The following ANKS1B variants were observed in gnomAD, a reference collection of about 807,000 sequenced individuals.
ANKS1B encodes ankyrin repeat and sterile alpha motif domain-containing protein 1B.
Under a neutral mutation model 148.3 loss-of-function variants are expected in ANKS1B, and 36 were observed. The ratio of observed to expected loss-of-function variants is 0.24; its 90% CI spans 0.19 to 0.32. ANKS1B has a LOEUF of 0.32. Ranked by LOEUF, ANKS1B falls within the 10% of genes least tolerant of loss-of-function variation. ANKS1B has a pLI of 1.00. For missense variants in ANKS1B, 1,157 were observed against 1,542.6 expected (o/e 0.75, Z 4.19); for synonymous variants, 542 against 560.8 (o/e 0.97, Z 0.47).
intron 15 of ANKS1B, among the ~76,000 whole-genome samples, chr12:99,139,258 CCT>C (rs982969237): frequency 7.1e-6 from 1 of 140,942 alleles, no homozygotes; most frequent in African/African-American, 2.7e-5. Context: ...CTTTCTTCTT[CCT>C]CTCTTTCCTT....
At chr12:99,577,617 A>C (rs1272157393) in intron 9 of ANKS1B, among the ~76,000 whole-genome samples, 1 of 152,082 alleles carries the variant, frequency 6.6e-6, no homozygotes, top group East Asian at 1.9e-4. Context: ...CACAGAAACT[A>C]GAAGAAATGT....
At chr12:99,246,216 C>T in intron 13 of ANKS1B, 59 bp downstream of exon 13, 2 of 1,339,638 alleles carry the variant, frequency 1.5e-6, no homozygotes, top group Admixed American at 6.5e-5. Context: ...AATCCTTCCC[C>T]CAAACCTCCC....
chr12:99,158,082 G>GA (rs1269461325), intron 14 of ANKS1B, among the ~76,000 whole-genome samples: 4 of 151,412 alleles, frequency 2.6e-5, no homozygotes, highest in Non-Finnish European at 2.9e-5. Context: ...AGGGAAGAAG[G>GA]AAAAAAAAGA....
intron 19 of ANKS1B, among the ~76,000 whole-genome samples, chr12:98,810,170 T>C (rs2099083512): frequency 6.6e-6 from 1 of 152,244 alleles, no homozygotes; most frequent in Non-Finnish European, 1.5e-5. Flanking sequence ...GACAAGAGAT[T>C]GATTCAGTAA....
rs140505983 is a variant in ANKS1B at position 99,502,690 on chromosome 12, T to C, written c.1438+1786A>G. 2.8e-4 allele frequency among the ~76,000 whole-genome samples: 43 copies of C among 152,274 alleles called. No homozygotes were observed. The East Asian group carries it at 8.3e-3, about 29-fold the overall frequency. On this transcript the variant is annotated intron_variant, in intron 10 of 26. Coordinates refer to ENST00000683438, the MANE Select transcript of ANKS1B (RefSeq NM_001352186.2). ...CTTATCTCTAAAATGAGAATAATGATATTAATACCTCACAGCATTGTAAGA... is the reference window on the plus strand; with the variant it reads ...CTTATCTCTAAAATGAGAATAATGACATTAATACCTCACAGCATTGTAAGA...
At chr12:99,193,604 T>C (rs1044224360) in intron 14 of ANKS1B, among the ~76,000 whole-genome samples, 4 of 152,108 alleles carry the variant, frequency 2.6e-5, no homozygotes, top group Non-Finnish European at 5.9e-5. Context: ...TCTTGTCTTA[T>C]GTTGTAGGAG....
intron 6 of ANKS1B, among the ~76,000 whole-genome samples, chr12:99,775,902 T>C (rs2063603858): frequency 1.3e-5 from 2 of 152,198 alleles, no homozygotes; most frequent in South Asian, 4.1e-4. Flanking sequence ...CTTGAACCCC[T>C]TTCTTCTAAA....
chr12:99,733,115 T>C (rs149578166), intron 8 of ANKS1B, among the ~76,000 whole-genome samples: 150 of 152,264 alleles, frequency 9.9e-4, no homozygotes, highest in Non-Finnish European at 1.9e-3. Context: ...TTCCCTTTCC[T>C]CTTTGGGTCA....
chr12:99,110,141 G>A (rs1386360975), intron 15 of ANKS1B, among the ~76,000 whole-genome samples: 2 of 152,122 alleles, frequency 1.3e-5, no homozygotes, highest in African/African-American at 4.8e-5. Context: ...TGCTTTTAAA[G>A]TTCTCTGATA....
chr12:99,500,901 C>T (rs2152995473), intron 10 of ANKS1B, among the ~76,000 whole-genome samples: 1 of 152,238 alleles, frequency 6.6e-6, no homozygotes, highest in East Asian at 1.9e-4. Flanking sequence ...TTTCAAGTCT[C>T]TCAGCTTCTC....
intron 16 of ANKS1B, among the ~76,000 whole-genome samples, chr12:99,066,592 G>A (rs893507905): frequency 7.9e-5 from 12 of 152,180 alleles, no homozygotes; most frequent in Admixed American, 6.5e-4. Context: ...TTTGAGCAGA[G>A]TTGTGACATG....
At chr12:99,406,353 G>A (rs2094532741) in intron 11 of ANKS1B, among the ~76,000 whole-genome samples, 1 of 145,226 alleles carries the variant, frequency 6.9e-6, no homozygotes, top group Non-Finnish European at 1.5e-5. Flanking sequence ...AATAAAACTA[G>A]GAATCAATAA....
chr12:98,875,078 C>T (rs2152435999), intron 17 of ANKS1B, among the ~76,000 whole-genome samples: 1 of 152,338 alleles, frequency 6.6e-6, no homozygotes, highest in East Asian at 1.9e-4. Context: ...CATCTGTGGA[C>T]TAGAAACTAC....
At chr12:98,999,025 T>C (rs2099931353) in intron 17 of ANKS1B, among the ~76,000 whole-genome samples, 1 of 152,254 alleles carries the variant, frequency 6.6e-6, no homozygotes, top group African/African-American at 2.4e-5. Context: ...ATTGTTAATC[T>C]TCAGCAGACA....
chr12:99,309,592 T>C (rs1254980664), intron 12 of ANKS1B, among the ~76,000 whole-genome samples: 1 of 152,104 alleles, frequency 6.6e-6, no homozygotes, highest in East Asian at 1.9e-4. Context: ...TTAATTTAGA[T>C]AAACACACAT....
rs140825595 is a variant in ANKS1B, at chr12:99,363,681, G to A, written c.1756+35950C>T. On this transcript the variant is annotated intron_variant, in intron 12 of 26. Coordinates refer to ENST00000683438, the MANE Select transcript of ANKS1B (RefSeq NM_001352186.2). ...GACCTCTAAAATTATATAAGCTTCCGACCTCCAAAAACCTGACTATGCCTT... is the reference window on the plus strand; with the variant it reads ...GACCTCTAAAATTATATAAGCTTCCAACCTCCAAAAACCTGACTATGCCTT... 7.4e-4 allele frequency among the ~76,000 whole-genome samples: 112 copies of A among 152,074 alleles called. 2 individuals are homozygous for A. In the South Asian group the frequency reaches 0.021, roughly 28 times the overall value.
intron 1 of ANKS1B, among the ~76,000 whole-genome samples, chr12:99,906,142 A>T (rs910354681): frequency 6.6e-6 from 1 of 152,200 alleles, no homozygotes; most frequent in African/African-American, 2.4e-5. Context: ...AATTCTTAGG[A>T]GTAGACCAGG....
At chr12:99,744,441 C>T (rs1236241479) in intron 8 of ANKS1B, among the ~76,000 whole-genome samples, 1 of 152,200 alleles carries the variant, frequency 6.6e-6, no homozygotes, top group Non-Finnish European at 1.5e-5. Flanking sequence ...TGCTCTGAAG[C>T]ATTCTTCACA....
chr12:99,157,876 G>C (rs751744939), intron 14 of ANKS1B, among the ~76,000 whole-genome samples: 2 of 152,096 alleles, frequency 1.3e-5, no homozygotes, highest in Non-Finnish European at 2.9e-5. Flanking sequence ...GGTTCAGACT[G>C]CTATATAAGA....
Sources: allele counts gnomAD v4.1 joint callset (sites outside exome capture counted in the v4.1 genomes callset), GRCh38; gene constraint gnomAD v4.1.1; transcripts MANE v1.5; gene names NCBI Gene and HGNC (gene_info 2026-07-23, HGNC 2026-07-21).